FAM135A: variants seen among roughly 807,000 people sequenced by gnomAD.
FAM135A encodes the protein protein FAM135A.
In FAM135A, 79 loss-of-function variants were observed where a neutral mutation model predicts 146.8. The observed-to-expected ratio is 0.54, with a 90% CI of 0.45 to 0.65. The LOEUF is 0.65. Ranked by LOEUF, FAM135A falls within the 30% of genes least tolerant of loss-of-function variation. FAM135A has a pLI of 0.00. For missense variants in FAM135A, 1,623 were observed against 1,758.2 expected, an observed-to-expected ratio of 0.92 and a Z score of 1.38; for synonymous variants, 562 against 603.6, an observed-to-expected ratio of 0.93 and a Z score of 1.01.
chr6:70,557,716 A>AAAC (rs1562041806), intron 21 of FAM135A: 16 of 151,024 alleles, frequency 1.1e-4, no homozygotes, highest in African/African-American at 3.7e-4. Context: ...AAAAAAAAAA[A>AAAC]AACCCTGGTC....
chr6:70,534,628 G>A (rs1273382207), intron 18 of FAM135A, among the ~76,000 whole-genome samples: 3 of 152,106 alleles, frequency 2.0e-5, no homozygotes, highest in Non-Finnish European at 4.4e-5. Flanking sequence ...TATGACTGCT[G>A]TATACTTTTG....
At chr6:70,451,284 G>A (rs2128031677) in intron 4 of FAM135A, among the ~76,000 whole-genome samples, 1 of 152,288 alleles carries the variant, frequency 6.6e-6, no homozygotes, top group Non-Finnish European at 1.5e-5. Flanking sequence ...TTAAATTGAA[G>A]CATGTACCAC....
intron 11 of FAM135A, among the ~76,000 whole-genome samples, chr6:70,495,924 G>C (rs954598155): frequency 2.0e-5 from 3 of 152,128 alleles, no homozygotes; most frequent in Non-Finnish European, 4.4e-5. Flanking sequence ...TGCTGAGAAT[G>C]ATGGTTTCCA....
At chr6:70,512,871 T>A (rs79004475) in intron 12 of FAM135A, among the ~76,000 whole-genome samples, 2,870 of 151,976 alleles carry the variant, frequency 0.019, 94 homozygotes, top group African/African-American at 0.065. Flanking sequence ...ATGAAAAATA[T>A]TATTCTGTAT....
intron 18 of FAM135A, among the ~76,000 whole-genome samples, chr6:70,535,713 ATAT>A (rs1175279846): frequency 6.6e-6 from 1 of 152,166 alleles, no homozygotes; most frequent in African/African-American, 2.4e-5. Context: ...AGCTACATAA[ATAT>A]TATTCTTTTT....
Position 70,477,328 on chromosome 6 carries a change from A to G in FAM135A, c.538A>G (p.Ile180Val), listed in dbSNP as rs527965548. ...ATTGGTTGCACTACACCAGCCACTAATAAGGTAAATTTGACTAATATTTTT... is the reference window on the plus strand; with the variant it reads ...ATTGGTTGCACTACACCAGCCACTAGTAAGGTAAATTTGACTAATATTTTT... ...ASLVALHQPL[I>V]SFPRPVKTTW... Residue 180 changes from isoleucine (I) to valine (V), a missense_variant, in exon 8 of 22, where the codon ATA (isoleucine) becomes GTA (valine). Physicochemically the swap from Ile to Val is conservative, Grantham distance 29. Coordinates refer to ENST00000418814, the MANE Select transcript of FAM135A (RefSeq NM_001162529.3). 2.7e-5 allele frequency: 44 copies of G among 1,612,304 alleles called. No homozygotes were observed. The South Asian group carries it at 4.7e-4, about 17-fold the overall frequency.
At chr6:70,475,955 G>A (rs912482459) in intron 7 of FAM135A, among the ~76,000 whole-genome samples, 9 of 152,148 alleles carry the variant, frequency 5.9e-5, no homozygotes, top group Non-Finnish European at 1.2e-4. Context: ...AAGAAATATG[G>A]AACAATTTTT....
intron 16 of FAM135A, among the ~76,000 whole-genome samples, chr6:70,530,609 A>G (rs949279027): frequency 2.0e-5 from 3 of 152,098 alleles, no homozygotes; most frequent in Non-Finnish European, 4.4e-5. Flanking sequence ...TAAATTTGCC[A>G]GGCATGGTGC....
At chr6:70,491,163 A>T in intron 11 of FAM135A, 80 bp downstream of exon 11, 1 of 1,181,670 alleles carries the variant, frequency 8.5e-7, no homozygotes, top group Non-Finnish European at 1.2e-6. Context: ...TGTCTATGAA[A>T]ACTTAAAGTA....
chr6:70,485,025 AC>A (rs1202141543), intron 10 of FAM135A, among the ~76,000 whole-genome samples: 13 of 152,232 alleles, frequency 8.5e-5, no homozygotes, highest in African/African-American at 3.1e-4. Flanking sequence ...ATGAATGTCA[AC>A]TTTATTCCAA....
chr6:70,542,490 C>T (rs539899860), intron 20 of FAM135A, among the ~76,000 whole-genome samples: 1 of 152,216 alleles, frequency 6.6e-6, no homozygotes, highest in African/African-American at 2.4e-5. Flanking sequence ...TTTCTTGATG[C>T]CCTATCTGAT....
intron 13 of FAM135A, among the ~76,000 whole-genome samples, chr6:70,522,900 C>T (rs866054326): frequency 1.3e-5 from 2 of 152,050 alleles, no homozygotes; most frequent in South Asian, 2.1e-4. Flanking sequence ...TCTTTATTTT[C>T]ACAGGCCAGA....
chr6:70,499,126 C>G (rs1470150213), intron 11 of FAM135A, among the ~76,000 whole-genome samples: 1 of 152,134 alleles, frequency 6.6e-6, no homozygotes, highest in Non-Finnish European at 1.5e-5. Flanking sequence ...CTTTGTAGGT[C>G]TCTAATAACT....
At chr6:70,553,104 C>A (rs931332473) in intron 20 of FAM135A, among the ~76,000 whole-genome samples, 13 of 151,982 alleles carry the variant, frequency 8.6e-5, no homozygotes, top group African/African-American at 3.1e-4. Flanking sequence ...ATTTTTAAAG[C>A]ACAATTGGGG....
intron 2 of FAM135A, among the ~76,000 whole-genome samples, chr6:70,419,303 C>A (rs1362159425): frequency 6.6e-6 from 1 of 152,128 alleles, no homozygotes; most frequent in South Asian, 2.1e-4. Flanking sequence ...CCTGTAGTCC[C>A]AGCTGCTTGG....
At chr6:70,479,458 C>G (rs933111112) in intron 8 of FAM135A, among the ~76,000 whole-genome samples, 2 of 152,180 alleles carry the variant, frequency 1.3e-5, no homozygotes, top group Admixed American at 1.3e-4. Flanking sequence ...TGTTCTTTAT[C>G]TAGCTGCCAT....
intron 2 of FAM135A, among the ~76,000 whole-genome samples, chr6:70,425,826 G>A (rs1450000046): frequency 6.6e-6 from 1 of 152,178 alleles, no homozygotes; most frequent in African/African-American, 2.4e-5. Context: ...GCTTAGGGCC[G>A]GGCGCGGTGG....
chr6:70,520,807 A>G (rs932007017), intron 12 of FAM135A, among the ~76,000 whole-genome samples: 1 of 152,212 alleles, frequency 6.6e-6, no homozygotes, highest in East Asian at 1.9e-4. Context: ...CACACACTAC[A>G]GTTAATACCC....
intron 4 of FAM135A, among the ~76,000 whole-genome samples, chr6:70,447,013 C>A (rs1231709590): frequency 6.6e-6 from 1 of 152,222 alleles, no homozygotes; most frequent in East Asian, 1.9e-4. Context: ...TCGGGCCCTT[C>A]ACAATGCAAA....
Sources: allele counts gnomAD v4.1 joint callset (sites outside exome capture counted in the v4.1 genomes callset), GRCh38; gene constraint gnomAD v4.1.1; transcripts MANE v1.5; gene names NCBI Gene and HGNC (gene_info 2026-07-23, HGNC 2026-07-21).